Variants in DNM2 observed in about 807,000 individuals in gnomAD.
DNM2 encodes the protein dynamin 2.
DNM2 carries 15 observed loss-of-function variants against 99.0 expected under a neutral mutation model. The ratio of observed to expected loss-of-function variants is 0.15; its 90% CI spans 0.10 to 0.23. The LOEUF (loss-of-function observed/expected upper bound fraction) is 0.23. DNM2 is among the 10% of genes least tolerant of loss of function. The probability of loss-of-function intolerance (pLI) is 1.00; values close to 1 mark genes in which losing one functional copy is unlikely to be tolerated. For synonymous variants in DNM2, 525 were observed against 481.2 expected, an observed-to-expected ratio of 1.09 and a Z score of -1.19; for missense variants, 742 against 1,189.4, an observed-to-expected ratio of 0.62 and a Z score of 5.53.
chr19:10,829,404 G>A (rs1214707216), intron 19 of DNM2, 136 bp downstream of exon 19: 2 of 1,144,642 alleles, frequency 1.7e-6, no homozygotes, highest in Non-Finnish European at 2.5e-6. Flanking sequence ...TGTGGGAGCT[G>A]CTGCCCTGCT....
rs766387630 is a variant in DNM2 at position 10,830,163 on chromosome 19, C to G, written c.2328C>G (p.His776Gln). ...TPQRRPVSSI[H>Q]PPGRPPAVRG... ...AGCGCCGACCGGTGTCCAGCATACA[C>G]CCCCCTGGCCGGCCCCCAGCAGTGA... The change falls in exon 20 of 21, where the codon CAC becomes CAG. Residue 776 changes from histidine to glutamine, a missense_variant. Coordinates refer to ENST00000389253, the MANE Select transcript of DNM2 (RefSeq NM_001005361.3). This position sits in a 1 kb window ranked among gnomAD's most constrained non-coding sequence, Gnocchi z 4.8. 4 of 1,613,706 alleles carry G rather than the reference C, an allele frequency of 2.5e-6. No individual in the cohort carries two copies. The highest frequency in any genetic ancestry group is 1.1e-5 in the South Asian group (1 of 91,086).
At chr19:10,782,348 C>CTTTTTCTTTTT (rs1346724239) in intron 5 of DNM2, among the ~76,000 whole-genome samples, 13 of 145,516 alleles carry the variant, frequency 8.9e-5, no homozygotes, top group Middle Eastern at 7.9e-3. Context: ...GATTTTTTTT[C>CTTTTTCTTTTT]TTTTTCTTTT....
In DNM2 at chr19:10,816,073, T is replaced by C. The variant is rs918207460; in HGVS notation, c.1671+3696T>C. Among the ~76,000 whole-genome samples the C allele has an allele frequency of 2.0e-5, 3 of 152,028 alleles. No homozygotes were observed. The highest frequency in any genetic ancestry group is 6.5e-5 in the Admixed American group (1 of 15,280). Reference sequence around the variant, plus strand: ...TCGGGTGGCTCTGTGGTCACCCCCATCTAAGGCTCTGAGCGGTGACTTGCC... The same window carrying C: ...TCGGGTGGCTCTGTGGTCACCCCCACCTAAGGCTCTGAGCGGTGACTTGCC... On this transcript the variant is annotated intron_variant, in intron 15 of 20. Transcript: ENST00000389253. This position sits in a 1 kb window ranked among gnomAD's most constrained non-coding sequence, Gnocchi z 4.6.
intron 15 of DNM2, among the ~76,000 whole-genome samples, chr19:10,814,704 T>C (rs1340126123): frequency 6.6e-6 from 1 of 152,166 alleles, no homozygotes. Flanking sequence ...CTCCCACGTA[T>C]GAGTGACAAC....
Position 10,830,163 on chromosome 19 carries a change from C to A in DNM2, c.2328C>A (p.His776Gln), listed in dbSNP as rs766387630. Residue 776 changes from histidine to glutamine, a missense_variant, in exon 20 of 21, where the codon CAC (histidine) becomes CAA (glutamine). His to Gln is a conservative substitution (Grantham distance 24). This residue lies in a region of DNM2 where 187 missense variants were observed against 218.8 expected (regional missense o/e 0.85). Transcript: ENST00000389253. This position sits in a 1 kb window ranked among gnomAD's most constrained non-coding sequence, Gnocchi z 4.8. Reference sequence around the variant, plus strand: ...AGCGCCGACCGGTGTCCAGCATACACCCCCCTGGCCGGCCCCCAGCAGTGA... The same window carrying A: ...AGCGCCGACCGGTGTCCAGCATACAACCCCCTGGCCGGCCCCCAGCAGTGA... ...TPQRRPVSSI[H>Q]PPGRPPAVRG... 3 of 1,613,706 alleles carry A rather than the reference C, an allele frequency of 1.9e-6. No homozygotes were observed. In the South Asian group the frequency reaches 3.3e-5, roughly 18 times the overall value.
intron 7 of DNM2, among the ~76,000 whole-genome samples, chr19:10,792,898 G>A (rs985798704): frequency 9.2e-5 from 14 of 152,022 alleles, no homozygotes; most frequent in African/African-American, 3.1e-4. Context: ...GTGAGCCACC[G>A]TGTCCAGTAT....
At chr19:10,721,911 G>A (rs1227426317) in intron 1 of DNM2, among the ~76,000 whole-genome samples, 1 of 152,168 alleles carries the variant, frequency 6.6e-6, no homozygotes, top group East Asian at 1.9e-4. Flanking sequence ...AAGACACTCA[G>A]ATCTATAGAG....
At chr19:10,756,291 GC>G (rs1341660806) in intron 1 of DNM2, among the ~76,000 whole-genome samples, 1 of 151,524 alleles carries the variant, frequency 6.6e-6, no homozygotes, top group Non-Finnish European at 1.5e-5. Context: ...AATTATCCCA[GC>G]CCCCAACCCC....
At chr19:10,746,400 C>T (rs546559690) in intron 1 of DNM2, among the ~76,000 whole-genome samples, 1 of 152,236 alleles carries the variant, frequency 6.6e-6, no homozygotes, top group South Asian at 2.1e-4. Context: ...AGAGGAGGGT[C>T]ATGTTCTTAC....
At chr19:10,797,849 G>T (rs1363624815) in intron 10 of DNM2, among the ~76,000 whole-genome samples, 1 of 152,166 alleles carries the variant, frequency 6.6e-6, no homozygotes, top group African/African-American at 2.4e-5. Context: ...CATCTGTATA[G>T]CCCTGCATGT....
Position 10,830,205 on chromosome 19 carries a change from G to A in DNM2, c.2370G>A (p.Gly790=), listed in dbSNP as rs750852426. 1.2e-6 allele frequency: 2 copies of A among 1,613,628 alleles called. No homozygotes were observed. Among genetic ancestry groups the A allele is most frequent in the Non-Finnish European group, 1.7e-6 (2 of 1,179,746 alleles). The part of the protein sequence containing the change: ...RPPAVRGPTP[G]PPLIPVPVGA... ...CAGCAGTGAGGGGCCCCACTCCAGGGCCCCCCCTGATTCCTGTTCCCGTGG... is the reference window on the plus strand; with the variant it reads ...CAGCAGTGAGGGGCCCCACTCCAGGACCCCCCCTGATTCCTGTTCCCGTGG... Residue 790 remains glycine (G), a synonymous_variant, in exon 20 of 21, where the codon GGG becomes GGA. Transcript: ENST00000389253. This position sits in a 1 kb window ranked among gnomAD's most constrained non-coding sequence, Gnocchi z 4.8.
intron 6 of DNM2, among the ~76,000 whole-genome samples, chr19:10,785,098 G>A (rs1001498983): frequency 1.3e-5 from 2 of 150,752 alleles, no homozygotes; most frequent in Non-Finnish European, 1.5e-5. Context: ...GATTACAGGC[G>A]TGAGCCACTG....
intron 10 of DNM2, 69 bp downstream of exon 10, chr19:10,797,587 A>G: frequency 6.2e-7 from 1 of 1,611,062 alleles, no homozygotes; most frequent in South Asian, 1.1e-5. Context: ...TCTCAACCCG[A>G]GCATCTGGAA....
rs529889090 is a variant in DNM2, at chr19:10,814,034, C to T, written c.1671+1657C>T. Among the ~76,000 whole-genome samples the T allele has an allele frequency of 2.2e-4, 33 of 151,588 alleles. No individual in the cohort carries two copies. The East Asian group carries it at 4.3e-3, about 20-fold the overall frequency. On this transcript the variant is annotated intron_variant, in intron 15 of 20. Coordinates refer to ENST00000389253, the MANE Select transcript of DNM2 (RefSeq NM_001005361.3). ...AAAATTAGCCAGGTGTGGTGGCGCACGCTTGTAATCCTAGTTACTTGGGGG... is the reference window on the plus strand; with the variant it reads ...AAAATTAGCCAGGTGTGGTGGCGCATGCTTGTAATCCTAGTTACTTGGGGG...
chr19:10,744,777 A>T (rs1198265089), intron 1 of DNM2, among the ~76,000 whole-genome samples: 1 of 152,114 alleles, frequency 6.6e-6, no homozygotes, highest in Non-Finnish European at 1.5e-5. Flanking sequence ...GACTTTGCTA[A>T]CAAGGTCCCA....
At chr19:10,792,663 A>G (rs2071794535) in intron 7 of DNM2, among the ~76,000 whole-genome samples, 1 of 151,868 alleles carries the variant, frequency 6.6e-6, no homozygotes, top group South Asian at 2.1e-4. Flanking sequence ...GCTGGAGTGC[A>G]GTGGTGCGAT....
At chr19:10,721,008 G>A (rs2068920398) in intron 1 of DNM2, among the ~76,000 whole-genome samples, 1 of 152,028 alleles carries the variant, frequency 6.6e-6, no homozygotes, top group Non-Finnish European at 1.5e-5. Context: ...TCTGGGTTGG[G>A]AACCTGGGTC....
Position 10,820,130 on chromosome 19 carries a change from C to T in DNM2, c.1781+41C>T. ...GCCTGGGGATGGCTCGGGGTGAAGA[C>T]CAATGGCCTCATTCACACTCCACAA... On this transcript the variant is annotated intron_variant, in intron 16 of 20. Coordinates refer to ENST00000389253, the MANE Select transcript of DNM2 (RefSeq NM_001005361.3). The surrounding 1 kb of genome is among the most constrained non-coding windows in gnomAD (Gnocchi z 4.3). 6.3e-7 allele frequency: 1 copy of T among 1,587,320 alleles called. No homozygotes were observed. Among genetic ancestry groups the T allele is most frequent in the Non-Finnish European group, 8.6e-7 (1 of 1,156,390 alleles).
chr19:10,768,467 A>G (rs1419831273), intron 2 of DNM2: 3 of 152,250 alleles, frequency 2.0e-5, no homozygotes, highest in African/African-American at 7.2e-5. Context: ...AAAAACAACA[A>G]CAACAAAAAA....
Sources: gnomAD v4.1 joint callset for allele counts (sites outside exome capture counted in the v4.1 genomes callset) on GRCh38, gnomAD v4.1.1 for gene constraint, gnomAD v4.1.1 regional missense constraint, Gnocchi (gnomAD v3.1) non-coding constraint, MANE v1.5 for transcripts, NCBI Gene and HGNC (gene_info 2026-07-23, HGNC 2026-07-21) for gene names.